Variants in MACROD2 observed in about 807,000 individuals in gnomAD.
The protein encoded by MACROD2 is mono-ADP ribosylhydrolase 2, also known as ADP-ribose glycohydrolase MACROD2.
MACROD2 carries 36 observed loss-of-function variants against 70.4 expected under a neutral mutation model. That is an observed-to-expected ratio of 0.51 (90% CI 0.39 to 0.68). The LOEUF is 0.68. Ranked by LOEUF, MACROD2 falls within the 30% of genes least tolerant of loss-of-function variation. The pLI, the probability that MACROD2 is intolerant of heterozygous loss-of-function variation, is 0.00. For missense variants in MACROD2, 496 were observed against 538.4 expected (o/e 0.92, Z 0.78); for synonymous variants, 172 against 178.8 (o/e 0.96, Z 0.30).
rs561542805 is a variant in MACROD2, at chr20:14,108,119, G to A, written c.271+22391G>A. On this transcript the variant is annotated intron_variant, in intron 3 of 17. Coordinates refer to ENST00000684519, the MANE Select transcript of MACROD2 (RefSeq NM_001351661.2). The stretch of plus-strand genomic sequence containing the variant: ...AACAACAAAAAGTTAAAAAGTGGGG[G>A]ATGAAGTTAAGGTACATGGTAGTTA... 4.6e-5 allele frequency among the ~76,000 whole-genome samples: 7 copies of A among 152,036 alleles called. No homozygotes were observed. The South Asian group carries it at 1.5e-3, about 32-fold the overall frequency.
chr20:14,765,962 A>G (rs2072082710), intron 5 of MACROD2, among the ~76,000 whole-genome samples: 1 of 152,020 alleles, frequency 6.6e-6, no homozygotes, highest in Admixed American at 6.5e-5. Context: ...GAGCCTCCTA[A>G]ATCTAGGAAG....
At chr20:14,451,900 T>C (rs761681521) in intron 3 of MACROD2, among the ~76,000 whole-genome samples, 12 of 152,190 alleles carry the variant, frequency 7.9e-5, no homozygotes, top group Non-Finnish European at 1.8e-4. Context: ...CTGAACACTT[T>C]TACATTTGAA....
rs544974774 is a variant in MACROD2 at position 14,953,402 on chromosome 20, GT to G, written c.418+268445del. On this transcript the variant is annotated intron_variant, in intron 5 of 17. Coordinates refer to ENST00000684519, the MANE Select transcript of MACROD2 (RefSeq NM_001351661.2). ...GCTCACTGCAAACTCCGCCTCCTGG[GT>G]TCACGCCATTCTCCTGTCTCAGCCT... 1.7e-3 allele frequency among the ~76,000 whole-genome samples: 255 copies of G among 152,158 alleles called. 2 individuals are homozygous for G. The highest frequency in any genetic ancestry group is 6.0e-3 in the African/African-American group (247 of 41,496).
chr20:14,466,197 A>C (rs541790852), intron 3 of MACROD2, among the ~76,000 whole-genome samples: 1 of 152,060 alleles, frequency 6.6e-6, no homozygotes, highest in Admixed American at 6.5e-5. Flanking sequence ...TGGTCTTTTC[A>C]CATAGTCCCA....
At chr20:14,870,036 T>C (rs2073470579) in intron 5 of MACROD2, among the ~76,000 whole-genome samples, 1 of 152,114 alleles carries the variant, frequency 6.6e-6, no homozygotes, top group African/African-American at 2.4e-5. Context: ...GCTGTACAGA[T>C]TATTTTGTCA....
chr20:14,628,084 A>G (rs966875126), intron 4 of MACROD2, among the ~76,000 whole-genome samples: 1 of 152,202 alleles, frequency 6.6e-6, no homozygotes, highest in South Asian at 2.1e-4. Context: ...ATAGGTAGGT[A>G]AGGAATGGAA....
At chr20:14,517,795 G>A (rs558747018) in intron 4 of MACROD2, among the ~76,000 whole-genome samples, 13 of 151,924 alleles carry the variant, frequency 8.6e-5, no homozygotes, top group Middle Eastern at 6.8e-3. Flanking sequence ...TCCTTTTCCC[G>A]TTGATTTTAA....
chr20:15,074,019 G>C (rs569926912), intron 5 of MACROD2, among the ~76,000 whole-genome samples: 1 of 152,136 alleles, frequency 6.6e-6, no homozygotes, highest in Non-Finnish European at 1.5e-5. Context: ...ATTTTACTAT[G>C]AAAATGCAAT....
intron 3 of MACROD2, among the ~76,000 whole-genome samples, chr20:14,380,323 T>C (rs2083409585): frequency 6.6e-6 from 1 of 152,128 alleles, no homozygotes; most frequent in Non-Finnish European, 1.5e-5. Context: ...AACACTCATG[T>C]GATATATGAT....
chr20:14,537,323 A>G (rs2085378349), intron 4 of MACROD2, among the ~76,000 whole-genome samples: 1 of 152,206 alleles, frequency 6.6e-6, no homozygotes, highest in Admixed American at 6.5e-5. Flanking sequence ...AAGGATTTTA[A>G]TGAGCAGATT....
At chr20:15,575,238 T>TTCTGCTTGTGATTTGGAC (rs1421551659) in intron 8 of MACROD2, among the ~76,000 whole-genome samples, 1 of 152,210 alleles carries the variant, frequency 6.6e-6, no homozygotes, top group Non-Finnish European at 1.5e-5. Context: ...CTTTCATATT[T>TTCTGCTTGTGATTTGGAC]TCTGCTTGTG....
At position 14,461,875 on chromosome 20, in the gene MACROD2, T is replaced by C. The variant is rs1272100543; in HGVS notation, c.272-31604T>C. Among the ~76,000 whole-genome samples, 4 of 152,098 alleles carry C rather than the reference T, an allele frequency of 2.6e-5. 1 individual carries two copies. Among genetic ancestry groups the C allele is most frequent in the African/African-American group, 9.7e-5 (4 of 41,362 alleles). On this transcript the variant is annotated intron_variant, in intron 3 of 17. Coordinates refer to ENST00000684519, the MANE Select transcript of MACROD2 (RefSeq NM_001351661.2). ...GTGTATATGTGTCACATTTTCTTAA[T>C]CCAGTCTATCATTGTTGGACATTTG...
intron 5 of MACROD2, among the ~76,000 whole-genome samples, chr20:15,131,940 TTAC>T (rs2076109000): frequency 6.6e-6 from 1 of 151,962 alleles, no homozygotes; most frequent in South Asian, 2.1e-4. Flanking sequence ...ATATATTGAG[TTAC>T]TACATGAAAA....
chr20:15,273,299 AACATTGG>A (rs1202786476), intron 6 of MACROD2, among the ~76,000 whole-genome samples: 2 of 152,056 alleles, frequency 1.3e-5, no homozygotes, highest in Non-Finnish European at 2.9e-5. Context: ...CCTGCCCTCA[AACATTGG>A]ACTCCAATTT....
At chr20:14,757,333 T>C (rs539768734) in intron 5 of MACROD2, among the ~76,000 whole-genome samples, 6 of 152,108 alleles carry the variant, frequency 3.9e-5, no homozygotes, top group Non-Finnish European at 8.8e-5. Flanking sequence ...TATAGCAAAT[T>C]GAAAAACAAA....
chr20:14,964,724 G>T (rs2074616728), intron 5 of MACROD2, among the ~76,000 whole-genome samples: 1 of 152,098 alleles, frequency 6.6e-6, no homozygotes, highest in Admixed American at 6.5e-5. Flanking sequence ...AGTTCATATT[G>T]TTTTTAACTT....
intron 15 of MACROD2, among the ~76,000 whole-genome samples, chr20:15,993,233 AGTGTGTGTGTGTGTGT>A (rs11468964): frequency 5.6e-5 from 8 of 144,090 alleles, no homozygotes; most frequent in South Asian, 4.8e-4. Context: ...GAATTTGAAG[AGTGTGTGTGTGTGTGT>A]GTGTGTGTGT....
intron 5 of MACROD2, among the ~76,000 whole-genome samples, chr20:15,063,724 C>T (rs1395933669): frequency 4.6e-5 from 7 of 152,184 alleles, no homozygotes; most frequent in Admixed American, 3.9e-4. Context: ...ATGCTACCTG[C>T]ATGGGTTGAC....
intron 3 of MACROD2, chr20:14,352,569 G>T (rs2083133627): frequency 1.3e-5 from 2 of 152,096 alleles, no homozygotes; most frequent in African/African-American, 4.8e-5. Context: ...CCTCCAGAAA[G>T]GATATATGCA....
Sources: allele counts gnomAD v4.1 joint callset (sites outside exome capture counted in the v4.1 genomes callset), GRCh38; gene constraint gnomAD v4.1.1; transcripts MANE v1.5; gene names NCBI Gene and HGNC (gene_info 2026-07-23, HGNC 2026-07-21).